SLC23A2: variants seen among roughly 807,000 people sequenced by gnomAD.
SLC23A2 encodes the protein Na(+)/L-ascorbic acid transporter 2.
A neutral mutation model predicts 73.3 loss-of-function variants in SLC23A2; 36 were observed. The observed-to-expected ratio is 0.49, with a 90% confidence interval of 0.38 to 0.65. The LOEUF is 0.65. Among genes scored for constraint, SLC23A2 ranks in the 30% least tolerant of loss-of-function variants. SLC23A2 has a pLI of 0.00. For missense variants in SLC23A2, 507 were observed against 841.6 expected, an observed-to-expected ratio of 0.60 and a Z score of 4.92; for synonymous variants, 343 against 327.3, an observed-to-expected ratio of 1.05 and a Z score of -0.52.
At chr20:4,986,217 C>G (rs2087823697) in intron 1 of SLC23A2, among the ~76,000 whole-genome samples, 1 of 152,080 alleles carries the variant, frequency 6.6e-6, no homozygotes. Context: ...CCTATAATCC[C>G]AGCAGAGGCG....
In SLC23A2 at chr20:4,883,433, T is replaced by C. The variant is rs1930971422; in HGVS notation, c.824+209A>G. On this transcript the variant is annotated intron_variant, in intron 9 of 16. Coordinates refer to ENST00000338244, the MANE Select transcript of SLC23A2 (RefSeq NM_005116.6). This position sits in a 1 kb window ranked among gnomAD's most constrained non-coding sequence, Gnocchi z 4.5. ...TTACAATCCACCCTCTTCATATTGC[T>C]GCTAAGTCTGTCTTTGTAATACGTC... 6.6e-6 allele frequency among the ~76,000 whole-genome samples: 1 copy of C among 152,212 alleles called. No homozygotes were observed. Among genetic ancestry groups the C allele is most frequent in the Admixed American group, 6.5e-5 (1 of 15,282 alleles).
intron 1 of SLC23A2, among the ~76,000 whole-genome samples, chr20:4,987,996 TAAAA>T (rs201715841): frequency 7.2e-6 from 1 of 139,408 alleles, no homozygotes. Flanking sequence ...CACGATGCAT[TAAAA>T]AAAAAAAAAA....
intron 9 of SLC23A2, among the ~76,000 whole-genome samples, chr20:4,879,943 CTT>C (rs1359743526): frequency 6.6e-6 from 1 of 152,166 alleles, no homozygotes; most frequent in Non-Finnish European, 1.5e-5. Flanking sequence ...TGAATAGAGT[CTT>C]TTGCGCATTT....
At chr20:4,873,909 G>A (rs747988436) in intron 11 of SLC23A2, 27 bp downstream of exon 11, 9 of 1,598,746 alleles carry the variant, frequency 5.6e-6, no homozygotes, top group Non-Finnish European at 6.8e-6. Context: ...GTGGGCTCTT[G>A]ACCCCTCTAG....
intron 3 of SLC23A2, among the ~76,000 whole-genome samples, chr20:4,924,117 T>C (rs954304798): frequency 7.9e-5 from 12 of 152,098 alleles, no homozygotes; most frequent in African/African-American, 2.9e-4. Flanking sequence ...CGCCACTCTG[T>C]CCTGCTCACC....
chr20:4,886,905 A>C (rs775191842), intron 6 of SLC23A2, among the ~76,000 whole-genome samples: 43 of 152,282 alleles, frequency 2.8e-4, no homozygotes, highest in Non-Finnish European at 5.6e-4. Flanking sequence ...GTCTGGCAGC[A>C]AGTCCTACCC....
chr20:4,882,785 A>G (rs1930943187), intron 9 of SLC23A2, among the ~76,000 whole-genome samples: 1 of 152,332 alleles, frequency 6.6e-6, no homozygotes, highest in East Asian at 1.9e-4. Context: ...ATCAATAAAT[A>G]CCACCTGTTA....
chr20:4,868,025 C>A lies in SLC23A2; in HGVS notation c.1251-150G>T. On this transcript the variant is annotated intron_variant, in intron 12 of 16. Coordinates refer to ENST00000338244, the MANE Select transcript of SLC23A2 (RefSeq NM_005116.6). The surrounding 1 kb of genome is among the most constrained non-coding windows in gnomAD (Gnocchi z 4.4). ...GGAGCTGGGAGGGCGATTAAAAATACAATCTCAGACCCCACCCCAGACCTG... is the reference window on the plus strand; with the variant it reads ...GGAGCTGGGAGGGCGATTAAAAATAAAATCTCAGACCCCACCCCAGACCTG... 2.3e-6 allele frequency: 1 copy of A among 443,864 alleles called. No homozygotes were observed. Among genetic ancestry groups the A allele is most frequent in the Non-Finnish European group, 4.1e-6 (1 of 244,820 alleles). The allele number at this position is 443,864 out of a possible 1,614,324, so 27.5% of individuals were successfully genotyped here.
At chr20:4,879,217 G>A (rs1270455534) in intron 9 of SLC23A2, among the ~76,000 whole-genome samples, 1 of 151,784 alleles carries the variant, frequency 6.6e-6, no homozygotes, top group Non-Finnish European at 1.5e-5. Context: ...GACCAGTCTG[G>A]CCAACATGGT....
chr20:4,884,505 G>A (rs1238367925), intron 8 of SLC23A2, among the ~76,000 whole-genome samples: 1 of 152,254 alleles, frequency 6.6e-6, no homozygotes, highest in Non-Finnish European at 1.5e-5. Context: ...GCTGGCGGGT[G>A]TGAGTGGACA....
intron 1 of SLC23A2, among the ~76,000 whole-genome samples, chr20:4,983,205 A>T (rs1329687976): frequency 6.6e-6 from 1 of 152,180 alleles, no homozygotes; most frequent in African/African-American, 2.4e-5. Context: ...AAAACTATAA[A>T]ATTCTTAGAA....
At chr20:4,887,000 C>T (rs1931128994) in intron 6 of SLC23A2, among the ~76,000 whole-genome samples, 1 of 152,208 alleles carries the variant, frequency 6.6e-6, no homozygotes, top group African/African-American at 2.4e-5. Flanking sequence ...GAGCCCAGCA[C>T]ACACCATTCT....
In SLC23A2 at chr20:4,947,388, T is replaced by C. The variant is rs1195268422; in HGVS notation, c.-154-14672A>G. Among the ~76,000 whole-genome samples the C allele has an allele frequency of 6.6e-6, 1 of 152,266 alleles. No individual in the cohort carries two copies. The highest frequency in any genetic ancestry group is 1.5e-5 in the Non-Finnish European group (1 of 68,046). On this transcript the variant is annotated intron_variant, in intron 2 of 16. Transcript: ENST00000338244. This position sits in a 1 kb window ranked among gnomAD's most constrained non-coding sequence, Gnocchi z 4.4. ...TAAAGCAGAACAAAGATGAGTTTTA[T>C]TGCATTTATTTCTACTACGTGATTT... is the stretch of plus-strand genomic sequence containing the variant.
intron 2 of SLC23A2, among the ~76,000 whole-genome samples, chr20:4,964,826 C>CT (rs1182398704): frequency 9.5e-6 from 1 of 105,490 alleles, no homozygotes; most frequent in Non-Finnish European, 1.8e-5. Context: ...GAGCAAGACT[C>CT]TGTCTCAAAA....
At chr20:4,951,573 A>T (rs1375546134) in intron 2 of SLC23A2, among the ~76,000 whole-genome samples, 1 of 152,172 alleles carries the variant, frequency 6.6e-6, no homozygotes, top group African/African-American at 2.4e-5. Flanking sequence ...AAACATCCAG[A>T]GTAGGCAAAT....
intron 4 of SLC23A2, among the ~76,000 whole-genome samples, chr20:4,903,378 G>A (rs1381759976): frequency 1.3e-5 from 2 of 152,116 alleles, no homozygotes; most frequent in African/African-American, 4.8e-5. Flanking sequence ...AGTTCCCCAG[G>A]AGAACCTCAA....
intron 9 of SLC23A2, among the ~76,000 whole-genome samples, chr20:4,876,579 G>A (rs1401429126): frequency 6.6e-6 from 1 of 152,184 alleles, no homozygotes; most frequent in Non-Finnish European, 1.5e-5. Flanking sequence ...TCTAGCCCCA[G>A]CTCTCAGGAT....
Position 4,966,795 on chromosome 20 carries a change from A to G in SLC23A2, c.-155+3998T>C, listed in dbSNP as rs969249007. On this transcript the variant is annotated intron_variant, in intron 2 of 16. Transcript: ENST00000338244. ...AAGATCACATCCTATGGATGTGTAA[A>G]CTTTTGATAGTTTTACACACACACA... Among the ~76,000 whole-genome samples the G allele has an allele frequency of 8.5e-5, 9 of 105,572 alleles. No individual in the cohort carries two copies. The Admixed American group carries it at 9.5e-4, about 11-fold the overall frequency. 69.3% of individuals were successfully genotyped at this position (105,572 alleles called of 152,430 possible). A position where few individuals can be genotyped will look rare whatever the true frequency, so the allele number is the denominator to read the frequency against.
intron 4 of SLC23A2, among the ~76,000 whole-genome samples, chr20:4,906,783 A>C (rs572098568): frequency 1.3e-5 from 2 of 152,358 alleles, no homozygotes; most frequent in East Asian, 3.9e-4. Context: ...AATAAATATG[A>C]TACTCATCAA....
Sources: allele counts gnomAD v4.1 joint callset (sites outside exome capture counted in the v4.1 genomes callset), GRCh38; gene constraint gnomAD v4.1.1; non-coding constraint Gnocchi (gnomAD v3.1); transcripts MANE v1.5; gene names NCBI Gene and HGNC (gene_info 2026-07-23, HGNC 2026-07-21).